SUMF2: variants seen among roughly 807,000 people sequenced by gnomAD.
The protein encoded by SUMF2 is inactive C-alpha-formylglycine-generating enzyme 2.
A neutral mutation model predicts 44.8 loss-of-function variants in SUMF2; 45 were observed. The observed-to-expected ratio is 1.00, with a 90% confidence interval of 0.79 to 1.29. The LOEUF is 1.29. SUMF2 is among the 50% of genes most tolerant of loss of function. The probability of loss-of-function intolerance (pLI) is 0.00; values close to 1 mark genes in which losing one functional copy is unlikely to be tolerated. For missense variants in SUMF2, 418 were observed against 389.9 expected, an observed-to-expected ratio of 1.07 and a Z score of -0.61; for synonymous variants, 148 against 150.4, an observed-to-expected ratio of 0.98 and a Z score of 0.12.
At chr7:56,086,671 C>T in the SUMF2 span, among the ~76,000 whole-genome samples, 1 of 151,734 alleles carries the variant, frequency 6.6e-6, no homozygotes, top group Admixed American at 6.6e-5. Context: ...AGCCACTGCG[C>T]CCGCCTGTAG....
rs561900015 is a variant in SUMF2, at chr7:56,080,084, C to G, written c.*472C>G. The G allele has an allele frequency of 1.2e-5, 7 of 570,612 alleles. No individual in the cohort carries two copies. Among genetic ancestry groups the G allele is most frequent in the Non-Finnish European group, 2.2e-5 (7 of 324,156 alleles). The allele number at this position is 570,612 out of a possible 1,614,324, so 35.3% of individuals were successfully genotyped here. On this transcript the variant is annotated 3_prime_UTR_variant, in exon 9 of 9. Coordinates refer to ENST00000434526, the MANE Select transcript of SUMF2 (RefSeq NM_015411.4). ...TGTGGCCTCATCTGTGGTTTCGTGT[C>G]CCTCTGAAGGAAACTAGTTTCCACT...
intron 7 of SUMF2, 22 bp downstream of exon 7, chr7:56,078,208 C>A: frequency 6.3e-7 from 1 of 1,599,948 alleles, no homozygotes; most frequent in South Asian, 1.1e-5. Flanking sequence ...CTTGGGCTTG[C>A]GGCTGTGCCC....
intron 2 of SUMF2, 127 bp downstream of exon 2, chr7:56,068,765 G>A (rs773277235): frequency 1.1e-4 from 126 of 1,111,438 alleles, no homozygotes; most frequent in Non-Finnish European, 1.4e-4. Context: ...GTGCAGTGGC[G>A]CAATCTCGCT....
downstream of SUMF2, chr7:56,084,346 G>T: frequency 3.3e-6 from 2 of 599,458 alleles, no homozygotes; most frequent in Non-Finnish European, 5.8e-6. Context: ...CCCAGACCCA[G>T]ATCAGAAGGA....
chr7:56,087,686 G>A, the SUMF2 span: 3 of 1,613,878 alleles, frequency 1.9e-6, no homozygotes, highest in Non-Finnish European at 1.7e-6. Flanking sequence ...CCGGGCTGAA[G>A]CTGCCTCCAC....
intron 1 of SUMF2, among the ~76,000 whole-genome samples, chr7:56,064,817 A>T (rs1459551778): frequency 2.2e-4 from 28 of 129,406 alleles, no homozygotes; most frequent in Non-Finnish European, 4.2e-4. Context: ...CAGGAGGCGG[A>T]GGTTGCAGTG....
chr7:56,081,865 C>A, downstream of SUMF2: 1 of 1,612,454 alleles, frequency 6.2e-7, no homozygotes. The surrounding 1 kb of genome is among the most constrained non-coding windows in gnomAD (Gnocchi z 4.6). Context: ...AGCCCTGAGC[C>A]CAGGAGCCAG....
In SUMF2 at chr7:56,076,872, C is replaced by T. The variant is rs779511397; in HGVS notation, c.574C>T (p.Arg192Cys). Residue 192 changes from arginine (R) to cysteine (C), a missense_variant, in exon 6 of 9, where the codon CGC (arginine) becomes TGC (cysteine). Arg to Cys is a radical substitution (Grantham distance 180, BLOSUM62 -3). Coordinates refer to ENST00000434526, the MANE Select transcript of SUMF2 (RefSeq NM_015411.4). ...YPWGNWFQPN[R>C]TNLWQGKFPK... is the part of the protein sequence containing the mutation. ...ATGGGGGAACTGGTTCCAGCCAAAC[C>T]GCACCAACCTGTGGCAGGTAAGACC... 18 of 1,606,364 alleles carry T rather than the reference C, an allele frequency of 1.1e-5. No individual in the cohort carries two copies. The highest frequency in any genetic ancestry group is 2.7e-5 in the African/African-American group (2 of 74,794).
chr7:56,080,134 T>A lies in SUMF2; in HGVS notation c.*522T>A, dbSNP rs1030337464. On this transcript the variant is annotated 3_prime_UTR_variant, in exon 9 of 9. Transcript: ENST00000434526. ...TGTGTAACAGGCAGACATGTAACTA[T>A]TTAAAGCACAGTTCAGTCCTAAAAG... 6.3e-6 allele frequency: 3 copies of A among 475,484 alleles called. No individual in the cohort carries two copies. The highest frequency in any genetic ancestry group is 5.8e-5 in the African/African-American group (3 of 51,370). The allele number at this position is 475,484 out of a possible 1,614,324, so 29.5% of individuals were successfully genotyped here. A position where few individuals can be genotyped will look rare whatever the true frequency, so the allele number is the denominator to read the frequency against.
At chr7:56,080,810 G>A, downstream of SUMF2, 1 of 558,698 alleles carries the variant, frequency 1.8e-6, no homozygotes, top group Non-Finnish European at 3.2e-6. Context: ...CTGGTTCTCA[G>A]GCCACGTGTG....
downstream of SUMF2, chr7:56,083,422 G>A: frequency 6.2e-7 from 1 of 1,614,192 alleles, no homozygotes; most frequent in South Asian, 1.1e-5. Flanking sequence ...ATCACCTCCA[G>A]CAGAGCTCGC....
Position 56,068,502 on chromosome 7 carries a change from A to G in SUMF2, c.88A>G (p.Met30Val), listed in dbSNP as rs1562860017. 1 of 1,613,332 alleles carries G rather than the reference A, an allele frequency of 6.2e-7. No individual in the cohort carries two copies. The highest frequency in any genetic ancestry group is 8.5e-7 in the Non-Finnish European group (1 of 1,179,806). ...LKLGNGQATSMVQLQGGRFLM... is the reference protein window; with the variant it reads ...LKLGNGQATSVVQLQGGRFLM... The stretch of plus-strand genomic sequence containing the variant: ...TGCAGGAAATGGACAGGCTACTAGC[A>G]TGGTCCAACTGCAGGGTGGGAGATT... The change falls in exon 2 of 9, where the codon ATG (methionine) becomes GTG (valine). Residue 30 changes from methionine (M) to valine (V), a missense_variant. By Grantham distance (21) the Met-to-Val change is conservative. Transcript: ENST00000434526.
In SUMF2 at chr7:56,074,614, A is replaced by G. The variant is rs763681565; in HGVS notation, c.413A>G (p.Glu138Gly). Residue 138 changes from glutamate (E) to glycine (G), a missense_variant, in exon 5 of 9, where the codon GAG becomes GGG. By Grantham distance (98) the Glu-to-Gly change is moderately conservative. Coordinates refer to ENST00000434526, the MANE Select transcript of SUMF2 (RefSeq NM_015411.4). ...GCAGGTCCTGGCTCTGGCATCCGAG[A>G]GAGACTGGAGCACCCAGTGTTACAC... ...QPAGPGSGIRERLEHPVLHVS... is the reference protein window; with the variant it reads ...QPAGPGSGIRGRLEHPVLHVS... 6.2e-7 allele frequency: 1 copy of G among 1,614,082 alleles called. No individual in the cohort carries two copies. Among genetic ancestry groups the G allele is most frequent in the East Asian group, 2.2e-5 (1 of 44,866 alleles).
chr7:56,070,333 A>T (rs1795076578), intron 2 of SUMF2, among the ~76,000 whole-genome samples: 1 of 152,024 alleles, frequency 6.6e-6, no homozygotes, highest in African/African-American at 2.4e-5. Flanking sequence ...GAGATGAGAT[A>T]TGTGATGAAG....
At chr7:56,064,780 G>A (rs1049377393) in intron 1 of SUMF2, among the ~76,000 whole-genome samples, 3 of 150,990 alleles carry the variant, frequency 2.0e-5, no homozygotes, top group African/African-American at 7.3e-5. Context: ...CTACTCGGGA[G>A]GCTGAGACAG....
chr7:56,073,284 G>T (rs1050461736), intron 3 of SUMF2, 173 bp downstream of exon 3: 1 of 679,110 alleles, frequency 1.5e-6, no homozygotes, highest in Non-Finnish European at 2.7e-6. Flanking sequence ...CTCCCAGGAA[G>T]TTAACCCTGA....
Position 56,078,307 on chromosome 7 carries a change from G to T in SUMF2, c.677-57G>T, listed in dbSNP as rs1201657145. ...CCATTTGGCCCCCAGGACCTCAGAG[G>T]GTAGGCGGGGTGGTCGGCGGGTCCC... On this transcript the variant is annotated intron_variant, in intron 7 of 8. Transcript: ENST00000434526. 5.8e-6 allele frequency: 9 copies of T among 1,558,656 alleles called. No individual in the cohort carries two copies. In the African/African-American group the frequency reaches 1.2e-4, roughly 21 times the overall value.
intron 1 of SUMF2, among the ~76,000 whole-genome samples, chr7:56,066,533 G>GC (rs1023476240): frequency 4.9e-4 from 74 of 152,028 alleles, no homozygotes; most frequent in African/African-American, 1.3e-3. Context: ...TGCAACCTCC[G>GC]CCCCCCCAGG....
chr7:56,078,551 G>T, intron 8 of SUMF2, 43 bp downstream of exon 8: 1 of 1,504,074 alleles, frequency 6.6e-7, no homozygotes, highest in South Asian at 1.4e-5. Flanking sequence ...TTGTAGCTGG[G>T]GGCTGATGTC....
Sources: gnomAD v4.1 joint callset for allele counts (sites outside exome capture counted in the v4.1 genomes callset) on GRCh38, gnomAD v4.1.1 for gene constraint, Gnocchi (gnomAD v3.1) non-coding constraint, MANE v1.5 for transcripts, NCBI Gene and HGNC (gene_info 2026-07-23, HGNC 2026-07-21) for gene names.